ARID3B: variants seen among roughly 807,000 people sequenced by gnomAD.
ARID3B encodes the protein AT-rich interaction domain 3B.
ARID3B carries 10 observed loss-of-function variants against 51.9 expected under a neutral mutation model. The ratio of observed to expected loss-of-function variants is 0.19; its 90% CI spans 0.12 to 0.33. ARID3B has a LOEUF of 0.33. Among genes scored for constraint, ARID3B ranks in the 10% least tolerant of loss-of-function variants. The probability of loss-of-function intolerance (pLI) is 1.00; values close to 1 mark genes in which losing one functional copy is unlikely to be tolerated. For missense variants in ARID3B, 483 were observed against 716.3 expected (o/e 0.67, Z 3.72); for synonymous variants, 205 against 279.5 (o/e 0.73, Z 2.66).
chr15:74,590,028 G>A (rs777120193), intron 5 of ARID3B, 25 bp downstream of exon 5: 5 of 1,574,048 alleles, frequency 3.2e-6, no homozygotes, highest in Non-Finnish European at 4.3e-6. Context: ...CCTGGGAGAA[G>A]GAAGCTGAGG....
At chr15:74,550,894 G>A (rs2061634777) in intron 2 of ARID3B, among the ~76,000 whole-genome samples, 1 of 152,154 alleles carries the variant, frequency 6.6e-6, no homozygotes, top group African/African-American at 2.4e-5. Context: ...AAATATGAGT[G>A]TGAAAGAGCT....
chr15:74,577,601 C>G (rs764827908), intron 4 of ARID3B, among the ~76,000 whole-genome samples: 2 of 151,990 alleles, frequency 1.3e-5, no homozygotes, highest in African/African-American at 2.4e-5. Context: ...GCTCATCGCA[C>G]CCTTGACCTC....
chr15:74,547,151 TCCCCCC>T (rs1201289406), intron 2 of ARID3B, among the ~76,000 whole-genome samples: 1 of 150,190 alleles, frequency 6.7e-6, no homozygotes, highest in Non-Finnish European at 1.5e-5. Context: ...CACAGATCTT[TCCCCCC>T]CGCCTTCCCC....
At chr15:74,568,376 C>T (rs1257607392) in intron 2 of ARID3B, among the ~76,000 whole-genome samples, 1 of 152,226 alleles carries the variant, frequency 6.6e-6, no homozygotes, top group African/African-American at 2.4e-5. Context: ...TTTCAAACTA[C>T]AAGTCAGTAT....
chr15:74,545,260 G>A (rs2061611390), intron 2 of ARID3B, among the ~76,000 whole-genome samples: 1 of 152,210 alleles, frequency 6.6e-6, no homozygotes, highest in African/African-American at 2.4e-5. Context: ...AGAAGCACTT[G>A]CATTGTATAT....
chr15:74,591,906 C>A lies in ARID3B; in HGVS notation c.1420+92C>A. Reference sequence around the variant, plus strand: ...CTGGTGGGGCAGGGGTGGTGAGGCACATACTCCTGACCTGGAAGAGGCCCC... The same window carrying A: ...CTGGTGGGGCAGGGGTGGTGAGGCAAATACTCCTGACCTGGAAGAGGCCCC... On this transcript the variant is annotated intron_variant, in intron 7 of 8. Coordinates refer to ENST00000346246, the MANE Select transcript of ARID3B (RefSeq NM_006465.4). This position sits in a 1 kb window ranked among gnomAD's most constrained non-coding sequence, Gnocchi z 5.8. 2 of 1,538,008 alleles carry A rather than the reference C, an allele frequency of 1.3e-6. No individual in the cohort carries two copies. The highest frequency in any genetic ancestry group is 1.8e-6 in the Non-Finnish European group (2 of 1,138,106).
chr15:74,563,867 A>G (rs1475423648), intron 2 of ARID3B, among the ~76,000 whole-genome samples: 2 of 152,126 alleles, frequency 1.3e-5, no homozygotes, highest in African/African-American at 2.4e-5. Flanking sequence ...AGGAACATCT[A>G]TTTCTGGGAA....
chr15:74,559,402 C>T (rs2061670793), intron 2 of ARID3B, among the ~76,000 whole-genome samples: 2 of 152,178 alleles, frequency 1.3e-5, no homozygotes, highest in Admixed American at 6.5e-5. Flanking sequence ...ATCAGACTAT[C>T]CTCACTCACA....
chr15:74,573,148 G>C lies in ARID3B; in HGVS notation c.641G>C (p.Gly214Ala), dbSNP rs1219293203. The C allele has an allele frequency of 1.9e-6, 3 of 1,614,086 alleles. No individual in the cohort carries two copies. Among genetic ancestry groups the C allele is most frequent in the Non-Finnish European group, 1.7e-6 (2 of 1,180,028 alleles). The change falls in exon 4 of 9, where the codon GGT (glycine) becomes GCT (alanine). Residue 214 changes from glycine (G) to alanine (A), a missense_variant. Transcript: ENST00000346246. The stretch of plus-strand genomic sequence containing the variant: ...GGATTGCAGCTGTATGAACTGGACG[G>C]TGATCCTGAAAGGAAAGAGTTCCTG... ...RDFAKLYELDGDPERKEFLDD... is the reference protein window; with the variant it reads ...RDFAKLYELDADPERKEFLDD...
rs2061823837 is a variant in ARID3B at position 74,595,974 on chromosome 15, A to G, written c.*200A>G. 8.3e-6 allele frequency: 5 copies of G among 603,848 alleles called. No individual in the cohort carries two copies. Among genetic ancestry groups the G allele is most frequent in the Non-Finnish European group, 1.4e-5 (5 of 356,468 alleles). The allele number at this position is 603,848 out of a possible 1,614,324, so 37.4% of individuals were successfully genotyped here. The stretch of plus-strand genomic sequence containing the variant: ...GGCAGGGAGAGGCTAGAGGGGCAGG[A>G]CAGACAGCGTTGTCCAATCAGGGAT... On this transcript the variant is annotated 3_prime_UTR_variant, in exon 9 of 9. Coordinates refer to ENST00000346246, the MANE Select transcript of ARID3B (RefSeq NM_006465.4).
chr15:74,577,076 GGA>G (rs1461921985), intron 4 of ARID3B, among the ~76,000 whole-genome samples: 1 of 152,202 alleles, frequency 6.6e-6, no homozygotes, highest in East Asian at 1.9e-4. Flanking sequence ...GGGCTAGAGA[GGA>G]GAGACTGAGG....
intron 4 of ARID3B, among the ~76,000 whole-genome samples, chr15:74,576,373 C>T (rs983167066): frequency 1.3e-5 from 2 of 152,162 alleles, no homozygotes; most frequent in African/African-American, 4.8e-5. Context: ...GTAAAATATC[C>T]TCTGCAAGAA....
chr15:74,545,060 A>G (rs1441900591), intron 2 of ARID3B, among the ~76,000 whole-genome samples: 1 of 152,196 alleles, frequency 6.6e-6, no homozygotes, highest in African/African-American at 2.4e-5. Context: ...TTCTTTTTTA[A>G]AGGAAGGATG....
intron 1 of ARID3B, among the ~76,000 whole-genome samples, chr15:74,543,638 A>T (rs1378044855): frequency 6.6e-6 from 1 of 151,970 alleles, no homozygotes; most frequent in African/African-American, 2.4e-5. Flanking sequence ...ACTGAAATTC[A>T]TTCCCTATTT....
At chr15:74,595,168 CCT>C (rs2061819700) in intron 8 of ARID3B, among the ~76,000 whole-genome samples, 1 of 152,128 alleles carries the variant, frequency 6.6e-6, no homozygotes, top group Non-Finnish European at 1.5e-5. Context: ...GCCTCAGCCC[CCT>C]GAGTAGCTGG....
In ARID3B at chr15:74,570,462, C is replaced by CAAAAAAAAA. The variant is rs71137395; in HGVS notation, c.553-2373_553-2365dup. On this transcript the variant is annotated intron_variant, in intron 2 of 8. Transcript: ENST00000346246. The stretch of plus-strand genomic sequence containing the variant: ...AGTGCTTGGAAGTTACTATAATTAG[C>CAAAAAAAAA]AAAAAAAAAAAAAAAAAAAAAAAAA... Among the ~76,000 whole-genome samples, 13 of 64,590 alleles carry CAAAAAAAAA rather than the reference C, an allele frequency of 2.0e-4. 1 individual carries two copies. The highest frequency in any genetic ancestry group is 3.7e-4 in the Admixed American group (2 of 5,412). The allele number at this position is 64,590 out of a possible 152,430, so 42.4% of individuals were successfully genotyped here. A position where few individuals can be genotyped will look rare whatever the true frequency, so the allele number is the denominator to read the frequency against.
chr15:74,550,632 G>A (rs1394265835), intron 2 of ARID3B, among the ~76,000 whole-genome samples: 5 of 151,682 alleles, frequency 3.3e-5, no homozygotes, highest in Non-Finnish European at 5.9e-5. Context: ...GCATGAACCC[G>A]GGAGGCAGAA....
At chr15:74,561,576 T>C (rs563436768) in intron 2 of ARID3B, among the ~76,000 whole-genome samples, 3 of 152,346 alleles carry the variant, frequency 2.0e-5, no homozygotes, top group African/African-American at 4.8e-5. Context: ...CTGCCTGCAA[T>C]TGATTCCCAA....
intron 4 of ARID3B, among the ~76,000 whole-genome samples, chr15:74,586,382 C>T (rs2061781711): frequency 6.6e-6 from 1 of 152,232 alleles, no homozygotes; most frequent in South Asian, 2.1e-4. Context: ...CTAAGCAGTT[C>T]TCAGTCTAAT....
Sources: allele counts gnomAD v4.1 joint callset (sites outside exome capture counted in the v4.1 genomes callset), GRCh38; gene constraint gnomAD v4.1.1; non-coding constraint Gnocchi (gnomAD v3.1); transcripts MANE v1.5; gene names NCBI Gene and HGNC (gene_info 2026-07-23, HGNC 2026-07-21).